DZIP3: variants seen among roughly 807,000 people sequenced by gnomAD.
The protein encoded by DZIP3 is DAZ interacting zinc finger protein 3, also known as E3 ubiquitin-protein ligase DZIP3.
In DZIP3, 118 loss-of-function variants were observed where a neutral mutation model predicts 162.0. The observed-to-expected ratio is 0.73, with a 90% confidence interval of 0.63 to 0.85. The LOEUF is 0.85. Ranked by LOEUF, DZIP3 falls within the 40% of genes least tolerant of loss-of-function variation. The probability of loss-of-function intolerance (pLI) is 0.00; values close to 1 mark genes in which losing one functional copy is unlikely to be tolerated. For missense variants in DZIP3, 1,331 were observed against 1,407.0 expected (o/e 0.95, Z 0.86); for synonymous variants, 438 against 458.6 (o/e 0.96, Z 0.57).
Position 108,644,218 on chromosome 3 carries a change from T to C in DZIP3, c.1196T>C (p.Ile399Thr). The C allele has an allele frequency of 6.2e-7, 1 of 1,611,802 alleles. No individual in the cohort carries two copies. ...DYNYFYHLLH[I>T]IIISGTDIVR... is the part of the protein sequence containing the mutation. Reference sequence around the variant, plus strand: ...AATTATTTCTATCATCTGCTTCATATAATTATTATTTCTGGTACTGACATT... The same window carrying C: ...AATTATTTCTATCATCTGCTTCATACAATTATTATTTCTGGTACTGACATT... Residue 399 changes from isoleucine (I) to threonine (T), a missense_variant, in exon 14 of 33, where the codon ATA becomes ACA. This residue lies in a region of DZIP3 where 1,278 missense variants were observed against 1,317.1 expected (regional missense o/e 0.97). Transcript: ENST00000361582.
intron 4 of DZIP3, among the ~76,000 whole-genome samples, chr3:108,611,873 G>A (rs1219788085): frequency 6.6e-6 from 1 of 151,814 alleles, no homozygotes; most frequent in Admixed American, 6.6e-5. Context: ...GCTGAGGCAG[G>A]AGAATCGGTT....
rs1941333471 is a variant in DZIP3, at chr3:108,621,384, ACAT to A, written c.376-3057_376-3055del. Among the ~76,000 whole-genome samples, 16 of 152,320 alleles carry A rather than the reference ACAT, an allele frequency of 1.1e-4. No homozygotes were observed. The South Asian group carries it at 3.3e-3, about 32-fold the overall frequency. On this transcript the variant is annotated intron_variant, in intron 5 of 32. Coordinates refer to ENST00000361582, the MANE Select transcript of DZIP3 (RefSeq NM_014648.4). ...TGCAGGCATACAATACATAATAATC[ACAT>A]CAGGGTAAATGGGCTATCCATCACC...
intron 26 of DZIP3, among the ~76,000 whole-genome samples, chr3:108,683,623 G>A (rs1282974899): frequency 8.5e-5 from 13 of 152,186 alleles, no homozygotes; most frequent in East Asian, 5.8e-4. Flanking sequence ...TGGGAAGTAC[G>A]GTAATACCCA....
Position 108,616,521 on chromosome 3 carries a change from A to T in DZIP3, c.259-20A>T. On this transcript the variant is annotated intron_variant, in intron 4 of 32. Coordinates refer to ENST00000361582, the MANE Select transcript of DZIP3 (RefSeq NM_014648.4). ...TTTGTTCAGACTTATAGACATTTTT[A>T]ACTGAATAATTTTCCACAGAGAGAA... 6.5e-7 allele frequency: 1 copy of T among 1,528,038 alleles called. No individual in the cohort carries two copies. Among genetic ancestry groups the T allele is most frequent in the Non-Finnish European group, 9.0e-7 (1 of 1,107,666 alleles). The allele number at this position is 1,528,038 out of a possible 1,614,324, so 94.7% of individuals were successfully genotyped here. A position where few individuals can be genotyped will look rare whatever the true frequency, so the allele number is the denominator to read the frequency against.
chr3:108,646,596 A>AT (rs1377103890), intron 14 of DZIP3, 21 bp from the exon 15 acceptor site: 22 of 1,560,698 alleles, frequency 1.4e-5, no homozygotes, highest in Non-Finnish European at 1.9e-5. Context: ...TACATCTAAA[A>AT]TTTTTCTTTA....
intron 16 of DZIP3, chr3:108,648,513 G>C (rs1942728286): frequency 6.1e-6 from 1 of 162,748 alleles, no homozygotes; most frequent in African/African-American, 2.4e-5. Context: ...GTCCAGAATG[G>C]AATCTCCGTA....
intron 13 of DZIP3, among the ~76,000 whole-genome samples, chr3:108,643,291 T>C (rs143436059): frequency 6.6e-6 from 1 of 152,302 alleles, no homozygotes; most frequent in African/African-American, 2.4e-5. Context: ...GAAAGCACTG[T>C]TAAAACAGGA....
chr3:108,605,512 G>C (rs1471970680), intron 2 of DZIP3, 74 bp downstream of exon 2: 1 of 1,493,430 alleles, frequency 6.7e-7, no homozygotes, highest in Non-Finnish European at 9.3e-7. Context: ...ACGGATGGTG[G>C]GGGTGCGGGG....
intron 26 of DZIP3, 44 bp downstream of exon 26, chr3:108,677,642 C>G: frequency 6.5e-7 from 1 of 1,537,920 alleles, no homozygotes; most frequent in Non-Finnish European, 9.0e-7. Flanking sequence ...TTCATTTTGA[C>G]AAAATGGTAA....
intron 5 of DZIP3, among the ~76,000 whole-genome samples, chr3:108,621,222 CAG>C (rs1177216685): frequency 6.6e-6 from 1 of 152,082 alleles, no homozygotes; most frequent in Non-Finnish European, 1.5e-5. Context: ...ATAAAAGAGA[CAG>C]AGTGAATGAG....
chr3:108,650,169 G>A (rs1474422813), intron 17 of DZIP3, among the ~76,000 whole-genome samples: 4 of 151,734 alleles, frequency 2.6e-5, no homozygotes, highest in Non-Finnish European at 4.4e-5. Context: ...AAAAAGCCTC[G>A]TATGGCTGAT....
Position 108,694,161 on chromosome 3 carries a change from A to AAGTT in DZIP3, c.*810_*813dup, listed in dbSNP as rs1319603096. The AAGTT allele has an allele frequency of 6.6e-6, 1 of 152,190 alleles. No individual in the cohort carries two copies. Among genetic ancestry groups the AAGTT allele is most frequent in the Non-Finnish European group, 1.5e-5 (1 of 68,028 alleles). The allele number at this position is 152,190 out of a possible 1,614,324, so 9.4% of individuals were successfully genotyped here. A position where few individuals can be genotyped will look rare whatever the true frequency, so the allele number is the denominator to read the frequency against. ...CATATTTCAGTGCAAATATATTTTG[A>AAGTT]AGTTACTTTTAAATATTTATTTAAA... On this transcript the variant is annotated 3_prime_UTR_variant, in exon 33 of 33. Transcript: ENST00000361582.
At position 108,682,022 on chromosome 3, in the gene DZIP3, A is replaced by G. The variant is rs532508522; in HGVS notation, c.2884-2194A>G. 7.1e-4 allele frequency among the ~76,000 whole-genome samples: 107 copies of G among 150,722 alleles called. 7 individuals carry two copies. Among genetic ancestry groups the G allele is most frequent in the African/African-American group, 2.6e-3 (105 of 40,090 alleles). On this transcript the variant is annotated intron_variant, in intron 26 of 32. Transcript: ENST00000361582. ...CAGCAAACCACCATGGCACATGTAT[A>G]CCTATGAAACAAACCTGTACATTCT...
chr3:108,634,169 G>T (rs1415104261), intron 9 of DZIP3, among the ~76,000 whole-genome samples: 1 of 152,108 alleles, frequency 6.6e-6, no homozygotes, highest in African/African-American at 2.4e-5. Flanking sequence ...ATAAGACAGG[G>T]ATTGAAAAGT....
At position 108,674,186 on chromosome 3, in the gene DZIP3, C is replaced by T. The variant is rs867252856; in HGVS notation, c.2693+5C>T. ...GGTGACTCACATGGCAGCAAGGTAACCTTTCCCTCTTCCTTAATGCATCTT... is the reference window on the plus strand; with the variant it reads ...GGTGACTCACATGGCAGCAAGGTAATCTTTCCCTCTTCCTTAATGCATCTT... On this transcript the variant is annotated splice_donor_5th_base_variant and intron_variant, in intron 24 of 32. Coordinates refer to ENST00000361582, the MANE Select transcript of DZIP3 (RefSeq NM_014648.4). 3 of 1,610,138 alleles carry T rather than the reference C, an allele frequency of 1.9e-6. No homozygotes were observed. The highest frequency in any genetic ancestry group is 1.1e-5 in the South Asian group (1 of 90,954).
At chr3:108,669,144 G>A (rs2107337406) in intron 21 of DZIP3, among the ~76,000 whole-genome samples, 1 of 151,950 alleles carries the variant, frequency 6.6e-6, no homozygotes. Flanking sequence ...TCCATGATAA[G>A]ATCATGTGAG....
At chr3:108,640,437 A>T (rs989605945) in intron 12 of DZIP3, among the ~76,000 whole-genome samples, 299 of 44,354 alleles carry the variant, frequency 6.7e-3, no homozygotes, top group Middle Eastern at 0.028. Flanking sequence ...CTTTATTCTT[A>T]TTTAACATCC....
At chr3:108,657,751 C>A (rs938000816) in intron 19 of DZIP3, among the ~76,000 whole-genome samples, 1 of 152,066 alleles carries the variant, frequency 6.6e-6, no homozygotes, top group African/African-American at 2.4e-5. Context: ...ACCCATCTCA[C>A]GTGCAGAGAC....
chr3:108,620,991 T>TG (rs1941305172), intron 5 of DZIP3, among the ~76,000 whole-genome samples: 1 of 152,008 alleles, frequency 6.6e-6, no homozygotes, highest in Non-Finnish European at 1.5e-5. Context: ...CTGGCTAATT[T>TG]TTTGTATTTT....
Sources: gnomAD v4.1 joint callset for allele counts (sites outside exome capture counted in the v4.1 genomes callset) on GRCh38, gnomAD v4.1.1 for gene constraint, gnomAD v4.1.1 regional missense constraint, MANE v1.5 for transcripts, NCBI Gene and HGNC (gene_info 2026-07-23, HGNC 2026-07-21) for gene names.